TM9SF3: variants seen among roughly 807,000 people sequenced by gnomAD.
The protein encoded by TM9SF3 is SM-11044-binding protein.
TM9SF3 carries 14 observed loss-of-function variants against 78.6 expected under a neutral mutation model. That is an observed-to-expected ratio of 0.18 (90% CI 0.12 to 0.28). TM9SF3 has a LOEUF of 0.28. Among genes scored for constraint, TM9SF3 ranks in the 10% least tolerant of loss-of-function variants. TM9SF3 has a pLI of 1.00. For synonymous variants in TM9SF3, 231 were observed against 241.7 expected, an observed-to-expected ratio of 0.96 and a Z score of 0.41; for missense variants, 496 against 721.9, an observed-to-expected ratio of 0.69 and a Z score of 3.59.
Position 96,522,217 on chromosome 10 carries a change from C to T in TM9SF3, c.*46G>A, listed in dbSNP as rs760766331. 3.9e-6 allele frequency: 6 copies of T among 1,523,598 alleles called. No individual in the cohort carries two copies. The South Asian group carries it at 4.8e-5, about 12-fold the overall frequency. 94.4% of individuals were successfully genotyped at this position (1,523,598 alleles called of 1,614,324 possible). On this transcript the variant is annotated 3_prime_UTR_variant, in exon 15 of 15. Transcript: ENST00000371142. The stretch of plus-strand genomic sequence containing the variant: ...TTGTTTTTGCTGTGCAAGTTCCACC[C>T]CTATGAAAAAGAAATTGATCCAAAG...
chr10:96,527,511 G>C lies in TM9SF3; in HGVS notation c.1542-15C>G. On this transcript the variant is annotated splice_polypyrimidine_tract_variant and intron_variant, in intron 12 of 14. Transcript: ENST00000371142. ...TTGTCCATTGCCTGGTGGGGGGAGGGGGAAAGAAGATAAATCTCTTTTGAA... is the reference window on the plus strand; with the variant it reads ...TTGTCCATTGCCTGGTGGGGGGAGGCGGAAAGAAGATAAATCTCTTTTGAA... 1 of 1,584,212 alleles carries C rather than the reference G, an allele frequency of 6.3e-7. No homozygotes were observed. The highest frequency in any genetic ancestry group is 8.6e-7 in the Non-Finnish European group (1 of 1,161,320).
At chr10:96,543,344 C>CTTTTTTTTTTTTTTTT (rs398014526) in intron 9 of TM9SF3, among the ~76,000 whole-genome samples, 2 of 136,894 alleles carry the variant, frequency 1.5e-5, no homozygotes, top group Non-Finnish European at 3.1e-5. Context: ...TAGTGAGATT[C>CTTTTTTTTTTTTTTTT]TTTTTTTTGA....
chr10:96,583,548 T>C (rs931185292), intron 1 of TM9SF3, among the ~76,000 whole-genome samples: 1 of 152,114 alleles, frequency 6.6e-6, no homozygotes, highest in African/African-American at 2.4e-5. Flanking sequence ...ATAGAGCATA[T>C]GGCGGCTCAC....
At chr10:96,573,740 G>C (rs1428611169) in intron 2 of TM9SF3, among the ~76,000 whole-genome samples, 1 of 152,058 alleles carries the variant, frequency 6.6e-6, no homozygotes, top group African/African-American at 2.4e-5. Context: ...TAGACCAACA[G>C]AACAGAACAG....
intron 14 of TM9SF3, among the ~76,000 whole-genome samples, chr10:96,524,140 T>C (rs1016888484): frequency 1.3e-5 from 2 of 151,864 alleles, no homozygotes; most frequent in African/African-American, 4.8e-5. Context: ...ATATATAGTA[T>C]TGTCCCTATT....
chr10:96,575,610 T>C (rs1331848867), intron 2 of TM9SF3, among the ~76,000 whole-genome samples: 6 of 152,038 alleles, frequency 3.9e-5, no homozygotes, highest in African/African-American at 1.2e-4. Context: ...CTCCTCAAAG[T>C]ACTAAATAAT....
rs1027789353 is a variant in TM9SF3, at chr10:96,527,427, A to G, written c.1611T>C (p.Tyr537=). Residue 537 remains tyrosine (Y), a synonymous_variant, in exon 13 of 15, where the codon TAT becomes TAC. Transcript: ENST00000371142. ...TCTCCACTTACTTTGTTTTGAAAAA[A>G]TAGTAGTAAAAGGAATACATGTAAA... ...IYVYMYSFYY[Y]FFKTKMYGLF... 6.7e-5 allele frequency: 108 copies of G among 1,607,778 alleles called. No individual in the cohort carries two copies. Among genetic ancestry groups the G allele is most frequent in the Non-Finnish European group, 8.4e-5 (99 of 1,177,542 alleles).
rs572787239 is a variant in TM9SF3, at chr10:96,563,562, G to A, written c.422-1424C>T. Among the ~76,000 whole-genome samples the A allele has an allele frequency of 4.6e-5, 7 of 152,152 alleles. No individual in the cohort carries two copies. In the South Asian group the frequency reaches 1.2e-3, roughly 27 times the overall value. On this transcript the variant is annotated intron_variant, in intron 3 of 14. Transcript: ENST00000371142. Reference sequence around the variant, plus strand: ...AGCTAAATTTTTTGTATTTTTAGTAGAGACAGGGTTTCGCCATGCTGGCCA... The same window carrying A: ...AGCTAAATTTTTTGTATTTTTAGTAAAGACAGGGTTTCGCCATGCTGGCCA...
chr10:96,545,821 G>C (rs1230756412), intron 8 of TM9SF3, among the ~76,000 whole-genome samples: 5 of 152,170 alleles, frequency 3.3e-5, no homozygotes, highest in Admixed American at 6.5e-5. Context: ...CCCAGGAGGT[G>C]GAGGTTGCAG....
intron 1 of TM9SF3, among the ~76,000 whole-genome samples, chr10:96,583,972 T>C (rs575171581): frequency 7.9e-6 from 1 of 126,836 alleles, no homozygotes; most frequent in African/African-American, 2.6e-5. Flanking sequence ...AGGCAGAGAT[T>C]GCAGTGAGTG....
intron 9 of TM9SF3, among the ~76,000 whole-genome samples, chr10:96,542,764 A>G (rs1306022432): frequency 1.3e-5 from 2 of 151,814 alleles, no homozygotes; most frequent in African/African-American, 4.8e-5. Context: ...TTTTCTAAGC[A>G]TTATCACTTA....
At chr10:96,527,150 G>T in intron 14 of TM9SF3, 63 bp downstream of exon 14, 1 of 1,388,892 alleles carries the variant, frequency 7.2e-7, no homozygotes, top group Non-Finnish European at 1.0e-6. Context: ...TCCAATTACT[G>T]TATTTTTCGG....
intron 1 of TM9SF3, among the ~76,000 whole-genome samples, chr10:96,584,507 C>G (rs536208493): frequency 6.6e-6 from 1 of 152,130 alleles, no homozygotes; most frequent in African/African-American, 2.4e-5. Context: ...TTTTGTTTTG[C>G]TTTTTACAAT....
At position 96,519,713 on chromosome 10, in the gene TM9SF3, T is replaced by C. The variant is rs2134124558; in HGVS notation, c.*2550A>G. ...TTCAATTAACTTGAATAATGTTCTA[T>C]TTTCTATTCTACAACTGAGCGCTAG... On this transcript the variant is annotated 3_prime_UTR_variant, in exon 15 of 15. Transcript: ENST00000371142. 6.6e-6 allele frequency: 1 copy of C among 152,046 alleles called. No individual in the cohort carries two copies. The highest frequency in any genetic ancestry group is 6.6e-5 in the Admixed American group (1 of 15,264). The allele number at this position is 152,046 out of a possible 1,614,324, so 9.4% of individuals were successfully genotyped here. A position where few individuals can be genotyped will look rare whatever the true frequency, so the allele number is the denominator to read the frequency against.
chr10:96,535,637 G>A (rs1049227227), intron 9 of TM9SF3, among the ~76,000 whole-genome samples: 2 of 152,164 alleles, frequency 1.3e-5, no homozygotes, highest in East Asian at 3.8e-4. Context: ...AAATTAATAT[G>A]GGGCTCTCCT....
intron 11 of TM9SF3, 38 bp from the exon 12 acceptor site, chr10:96,528,215 T>C (rs1174964838): frequency 1.3e-6 from 2 of 1,576,252 alleles, no homozygotes; most frequent in South Asian, 2.3e-5. Flanking sequence ...TTCCAGTCTT[T>C]ATTCTTAAAG....
intron 5 of TM9SF3, among the ~76,000 whole-genome samples, chr10:96,559,161 C>T (rs906531445): frequency 4.6e-5 from 7 of 152,178 alleles, no homozygotes; most frequent in African/African-American, 1.4e-4. Context: ...TCATTACCTC[C>T]TTCTGATGCA....
At chr10:96,558,611 A>G (rs1312803619) in intron 5 of TM9SF3, among the ~76,000 whole-genome samples, 1 of 150,600 alleles carries the variant, frequency 6.6e-6, no homozygotes, top group Non-Finnish European at 1.5e-5. Context: ...ATGCCACTGC[A>G]CTCCAGCCCA....
At chr10:96,526,033 C>A (rs1213338096) in intron 14 of TM9SF3, among the ~76,000 whole-genome samples, 3 of 152,078 alleles carry the variant, frequency 2.0e-5, no homozygotes, top group Non-Finnish European at 4.4e-5. Context: ...AGCAGCTACC[C>A]CTCACTGAGC....
Sources: gnomAD v4.1 joint callset for allele counts (sites outside exome capture counted in the v4.1 genomes callset) on GRCh38, gnomAD v4.1.1 for gene constraint, MANE v1.5 for transcripts, NCBI Gene and HGNC (gene_info 2026-07-23, HGNC 2026-07-21) for gene names.